The following YAE1 variants were observed in gnomAD, a reference collection of about 807,000 sequenced individuals.
YAE1 encodes the protein protein YAE1 homolog.
YAE1 carries 22 observed loss-of-function variants against 23.0 expected under a neutral mutation model. The ratio of observed to expected loss-of-function variants is 0.96; its 90% CI spans 0.68 to 1.37. YAE1 has a LOEUF of 1.37. Among genes scored for constraint, YAE1 ranks in the 40% most tolerant of loss-of-function variants. YAE1 has a pLI of 0.00. For synonymous variants in YAE1, 101 were observed against 97.0 expected, an observed-to-expected ratio of 1.04 and a Z score of -0.24; for missense variants, 260 against 262.1, an observed-to-expected ratio of 0.99 and a Z score of 0.06.
At chr7:39,572,093 G>A (rs1310215595) in intron 2 of YAE1, among the ~76,000 whole-genome samples, 184 bp from the exon 3 acceptor site, 1 of 152,120 alleles carries the variant, frequency 6.6e-6, no homozygotes, top group Non-Finnish European at 1.5e-5. Context: ...ATCTTCAACA[G>A]ATATTACATA....
At chr7:39,582,574 T>A (rs1790761668) in intron 2 of YAE1, among the ~76,000 whole-genome samples, 1 of 152,242 alleles carries the variant, frequency 6.6e-6, no homozygotes, top group African/African-American at 2.4e-5. Context: ...GTATGATGTC[T>A]GAAATCTGTC....
intron 2 of YAE1, among the ~76,000 whole-genome samples, chr7:39,578,445 C>T (rs1444547389): frequency 6.6e-6 from 1 of 152,182 alleles, no homozygotes; most frequent in Admixed American, 6.5e-5. Flanking sequence ...TGTTCTTTTG[C>T]TGTTTGCAAT....
chr7:39,573,067 C>T (rs909269322), downstream of YAE1, among the ~76,000 whole-genome samples: 1 of 152,032 alleles, frequency 6.6e-6, no homozygotes, highest in Non-Finnish European at 1.5e-5. Context: ...ATTAGGTGGT[C>T]AGGACCTCAC....
At chr7:39,602,805 G>A (rs1034263255) in intron 2 of YAE1, among the ~76,000 whole-genome samples, 1 of 152,168 alleles carries the variant, frequency 6.6e-6, no homozygotes, top group African/African-American at 2.4e-5. Flanking sequence ...CTGGAGTGCC[G>A]TGGCACAATC....
intron 2 of YAE1, among the ~76,000 whole-genome samples, chr7:39,595,872 T>C (rs1790965556): frequency 6.6e-6 from 1 of 152,242 alleles, no homozygotes; most frequent in Non-Finnish European, 1.5e-5. Flanking sequence ...TCAAGCCTTC[T>C]TGAGATGAGA....
At position 39,566,539 on chromosome 7, in the gene YAE1, C is replaced by T. The variant is rs1192450532; in HGVS notation, c.121C>T (p.Arg41Ter). The T allele has an allele frequency of 5.6e-6, 9 of 1,613,920 alleles. No individual in the cohort carries two copies. The highest frequency in any genetic ancestry group is 7.6e-6 in the Non-Finnish European group (9 of 1,179,906). The change falls in exon 1 of 3, where the codon CGA becomes TGA. Residue 41 changes from arginine (R) to a stop codon, truncating the protein, a stop_gained. Transcript: ENST00000223273. LOFTEE classifies it high-confidence loss of function. Reference protein sequence around the residue: ...QREWQSNMQRRVKEGYRDGID... With the variant: ...QREWQSNMQR ...GGAATGGCAGAGTAACATGCAAAGA[C>T]GAGTCAAAGTAAACGTGGTGTGGAC...
intron 2 of YAE1, among the ~76,000 whole-genome samples, chr7:39,608,366 A>G (rs560776752): frequency 1.3e-5 from 2 of 152,294 alleles, no homozygotes; most frequent in East Asian, 3.9e-4. Flanking sequence ...TGTGTTGATC[A>G]AGTGACTGCT....
At chr7:39,610,071 T>A in exon 3 of YAE1, 8 of 1,435,914 alleles carry the variant, frequency 5.6e-6, no homozygotes, top group Non-Finnish European at 7.3e-6. Flanking sequence ...TGCAGGTTTC[T>A]CCTGGGTGAA....
chr7:39,600,368 G>GT (rs1791037820), intron 2 of YAE1, among the ~76,000 whole-genome samples: 1 of 151,880 alleles, frequency 6.6e-6, no homozygotes. Flanking sequence ...TATGACTGGT[G>GT]TTTTTATTTA....
chr7:39,578,292 G>C (rs9771390), intron 2 of YAE1, among the ~76,000 whole-genome samples: 151,983 of 152,356 alleles, frequency 1, 75,807 homozygotes, highest in Middle Eastern at 1. Flanking sequence ...CCAATAAGCT[G>C]TCTGTAAAAC....
chr7:39,605,178 G>C (rs1791111026), intron 2 of YAE1, among the ~76,000 whole-genome samples: 1 of 152,186 alleles, frequency 6.6e-6, no homozygotes, highest in Non-Finnish European at 1.5e-5. Flanking sequence ...CTTTGGGTGG[G>C]AAACCAGACC....
At chr7:39,604,517 T>C (rs1381599844) in intron 2 of YAE1, among the ~76,000 whole-genome samples, 1 of 152,212 alleles carries the variant, frequency 6.6e-6, no homozygotes, top group East Asian at 1.9e-4. Flanking sequence ...AAACAATACA[T>C]TGCAGAATGA....
At chr7:39,571,322 A>G (rs1245074439) in intron 2 of YAE1, among the ~76,000 whole-genome samples, 1 of 100,914 alleles carries the variant, frequency 9.9e-6, no homozygotes, top group Middle Eastern at 6.0e-3. Context: ...GTGTTAATGT[A>G]TTTTATGTGT....
intron 1 of YAE1, among the ~76,000 whole-genome samples, chr7:39,568,466 A>G (rs1404397005): frequency 1.3e-5 from 2 of 152,094 alleles, no homozygotes; most frequent in Non-Finnish European, 2.9e-5. Context: ...ACATCAGACA[A>G]AAATCAGGAA....
chr7:39,588,554 A>C (rs1448221457), intron 2 of YAE1, among the ~76,000 whole-genome samples: 1 of 151,620 alleles, frequency 6.6e-6, no homozygotes, highest in Non-Finnish European at 1.5e-5. Flanking sequence ...GCTACCCCCC[A>C]CACACTGCAC....
exon 3 of YAE1, chr7:39,609,776 G>C (rs1282986473): frequency 6.5e-7 from 1 of 1,533,104 alleles, no homozygotes; most frequent in Admixed American, 2.0e-5. Flanking sequence ...TGCTGAGCCT[G>C]GTTCCCCAAA....
At chr7:39,602,777 C>G (rs146812523) in intron 2 of YAE1, among the ~76,000 whole-genome samples, 165 of 152,184 alleles carry the variant, frequency 1.1e-3, no homozygotes, top group African/African-American at 3.9e-3. Flanking sequence ...GAGACAGAGT[C>G]TCACTGTGTC....
intron 2 of YAE1, among the ~76,000 whole-genome samples, chr7:39,600,007 T>G (rs550657083): frequency 1.6e-4 from 24 of 152,356 alleles, no homozygotes; most frequent in Admixed American, 1.2e-3. Flanking sequence ...CCTTAAACAT[T>G]GATAGTCCCC....
chr7:39,570,016 G>GT (rs1203910991), intron 1 of YAE1: 2 of 1,353,114 alleles, frequency 1.5e-6, no homozygotes, highest in Non-Finnish European at 2.1e-6. Flanking sequence ...CCGGTTAATG[G>GT]TTTTGACAAG....
Sources: allele counts gnomAD v4.1 joint callset (sites outside exome capture counted in the v4.1 genomes callset), GRCh38; gene constraint gnomAD v4.1.1; transcripts MANE v1.5; gene names NCBI Gene and HGNC (gene_info 2026-07-23, HGNC 2026-07-21).